CEMIP: variants seen among roughly 807,000 people sequenced by gnomAD.
The protein encoded by CEMIP is cell migration inducing hyaluronidase 1.
In CEMIP, 105 loss-of-function variants were observed where a neutral mutation model predicts 156.9. That is an observed-to-expected ratio of 0.67 (90% CI 0.57 to 0.79). The LOEUF is 0.79. Among genes scored for constraint, CEMIP ranks in the 30% least tolerant of loss-of-function variants. The pLI is 0.00. For missense variants in CEMIP, 1,457 were observed against 1,769.4 expected (o/e 0.82, Z 3.17); for synonymous variants, 676 against 668.4 (o/e 1.01, Z -0.17).
At chr15:80,905,593 G>A (rs999969283) in intron 12 of CEMIP, among the ~76,000 whole-genome samples, 20 of 152,272 alleles carry the variant, frequency 1.3e-4, no homozygotes, top group African/African-American at 3.9e-4. Flanking sequence ...GAGGGGTTAG[G>A]TGCAGACCAC....
intron 1 of CEMIP, among the ~76,000 whole-genome samples, chr15:80,788,599 C>T (rs1423080106): frequency 6.6e-6 from 1 of 152,142 alleles, no homozygotes; most frequent in Non-Finnish European, 1.5e-5. Flanking sequence ...GTAATTCACT[C>T]TAATGCTAGT....
At position 80,859,857 on chromosome 15, in the gene CEMIP, G is replaced by T. The variant is rs117216581; in HGVS notation, c.-175-13681G>T. On this transcript the variant is annotated intron_variant, in intron 1 of 29. Coordinates refer to ENST00000394685, the MANE Select transcript of CEMIP (RefSeq NM_001293298.2). The stretch of plus-strand genomic sequence containing the variant: ...CCCTTTCTGCTGTACCTCTAGAAGG[G>T]TTTTACCTGCATCAGAATCTTTCAG... Among the ~76,000 whole-genome samples, 1,003 of 152,292 alleles carry T rather than the reference G, an allele frequency of 6.6e-3. 4 individuals carry two copies. The highest frequency in any genetic ancestry group is 0.011 in the Admixed American group (172 of 15,308).
chr15:80,829,621 C>T (rs1897111530), intron 1 of CEMIP, among the ~76,000 whole-genome samples: 3 of 152,218 alleles, frequency 2.0e-5, no homozygotes, highest in Admixed American at 2.0e-4. Flanking sequence ...AGCTGGTCTT[C>T]ACCCTATTTC....
At chr15:80,853,011 T>A (rs1209143568) in intron 1 of CEMIP, among the ~76,000 whole-genome samples, 4 of 152,070 alleles carry the variant, frequency 2.6e-5, no homozygotes, top group Non-Finnish European at 5.9e-5. Flanking sequence ...ACCAGGTGAG[T>A]CAGGAGAATG....
intron 1 of CEMIP, among the ~76,000 whole-genome samples, chr15:80,784,646 C>T (rs888388446): frequency 5.9e-5 from 9 of 152,152 alleles, no homozygotes; most frequent in African/African-American, 2.2e-4. Flanking sequence ...GGGCAGGTTC[C>T]TTGACTTCTC....
intron 21 of CEMIP, among the ~76,000 whole-genome samples, chr15:80,929,426 G>C (rs138578154): frequency 6.6e-6 from 1 of 152,190 alleles, no homozygotes; most frequent in Non-Finnish European, 1.5e-5. Context: ...GCATTCCTGG[G>C]CTATGTTAAT....
At chr15:80,937,434 C>A (rs1410272528) in intron 24 of CEMIP, among the ~76,000 whole-genome samples, 1 of 152,202 alleles carries the variant, frequency 6.6e-6, no homozygotes, top group Non-Finnish European at 1.5e-5. Context: ...ATGAAATCGG[C>A]CCTACAATCA....
chr15:80,897,978 A>G (rs1383136392), intron 12 of CEMIP, among the ~76,000 whole-genome samples: 2 of 152,246 alleles, frequency 1.3e-5, no homozygotes, highest in Admixed American at 1.3e-4. Flanking sequence ...AATTTTCCAC[A>G]GGGGTTTTCA....
chr15:80,783,008 C>T (rs1895837580), intron 1 of CEMIP, among the ~76,000 whole-genome samples: 1 of 152,158 alleles, frequency 6.6e-6, no homozygotes. Flanking sequence ...CTTCATCAGT[C>T]CTGTGGCATT....
intron 1 of CEMIP, among the ~76,000 whole-genome samples, chr15:80,796,667 A>G (rs1408436319): frequency 6.6e-6 from 1 of 152,172 alleles, no homozygotes; most frequent in Non-Finnish European, 1.5e-5. Context: ...ACCATGAGAT[A>G]TTGCAGTTGC....
Position 80,878,794 on chromosome 15 carries a change from G to A in CEMIP, c.168G>A (p.Val56=). ...WNPGHDQDHH[V]HIGQGKTLLL... ...CTGGCCATGACCAAGACCACCATGT[G>A]CATATCGGCCAGGGCAAGACACTGC... Residue 56 remains valine, a synonymous_variant, in exon 4 of 30, where the codon GTG becomes GTA. Transcript: ENST00000394685. The A allele has an allele frequency of 1.2e-6, 2 of 1,614,170 alleles. No individual in the cohort carries two copies. The highest frequency in any genetic ancestry group is 1.7e-6 in the Non-Finnish European group (2 of 1,180,028).
intron 12 of CEMIP, among the ~76,000 whole-genome samples, chr15:80,903,703 C>A (rs1198852277): frequency 6.6e-6 from 1 of 152,164 alleles, no homozygotes; most frequent in Non-Finnish European, 1.5e-5. Context: ...ACATGCTCAA[C>A]CCTTTGGGGA....
At position 80,879,859 on chromosome 15, in the gene CEMIP, G is replaced by A. The variant is rs372958113; in HGVS notation, c.380+5G>A. On this transcript the variant is annotated splice_donor_5th_base_variant and intron_variant, in intron 5 of 29. Coordinates refer to ENST00000394685, the MANE Select transcript of CEMIP (RefSeq NM_001293298.2). ...CACCATCATTTTGTATGGAAGGTGC[G>A]TAGACCACTCCTACAGATCAAATGC... The A allele has an allele frequency of 1.8e-5, 29 of 1,613,858 alleles. No homozygotes were observed. Among genetic ancestry groups the A allele is most frequent in the South Asian group, 4.4e-5 (4 of 91,060 alleles).
Position 80,936,784 on chromosome 15 carries a change from C to T in CEMIP, c.3120C>T (p.Tyr1040=). The T allele has an allele frequency of 1.2e-6, 2 of 1,614,194 alleles. No individual in the cohort carries two copies. The highest frequency in any genetic ancestry group is 8.5e-7 in the Non-Finnish European group (1 of 1,180,028). The change falls in exon 24 of 30, where the codon TAC becomes TAT. Residue 1040 remains tyrosine, a synonymous_variant. Transcript: ENST00000394685. ...LEGALTRSTH[Y]QQYQPVVTLQ... ...GGGCGCTCACCAGGAGCACCCATTA[C>T]CAGCAATACCAACCGGTTGTCACCC...
At chr15:80,793,210 G>T (rs1443842941) in intron 1 of CEMIP, among the ~76,000 whole-genome samples, 1 of 152,154 alleles carries the variant, frequency 6.6e-6, no homozygotes, top group Non-Finnish European at 1.5e-5. Flanking sequence ...GCCTAGCTTG[G>T]CTGTGTAACC....
chr15:80,920,467 G>A (rs1243899406), intron 15 of CEMIP, among the ~76,000 whole-genome samples, 168 bp downstream of exon 15: 1 of 152,222 alleles, frequency 6.6e-6, no homozygotes, highest in Non-Finnish European at 1.5e-5. Flanking sequence ...CAAAGCAGGT[G>A]GGAGGGAGGG....
intron 16 of CEMIP, 119 bp downstream of exon 16, chr15:80,921,220 G>A: frequency 2.1e-6 from 2 of 945,072 alleles, no homozygotes; most frequent in South Asian, 2.8e-5. Flanking sequence ...TATCCATGCA[G>A]ACGGGCTTAG....
chr15:80,936,978 C>A, intron 24 of CEMIP, 93 bp downstream of exon 24: 8 of 1,209,544 alleles, frequency 6.6e-6, no homozygotes, highest in Non-Finnish European at 9.7e-6. Context: ...AAACCACAGG[C>A]TAGCCCATGT....
intron 25 of CEMIP, among the ~76,000 whole-genome samples, chr15:80,939,038 C>T (rs935271695): frequency 2.0e-5 from 3 of 152,086 alleles, no homozygotes; most frequent in Middle Eastern, 3.4e-3. Flanking sequence ...GATGGGAGGG[C>T]AATAAAAAAC....
Sources: allele counts gnomAD v4.1 joint callset (sites outside exome capture counted in the v4.1 genomes callset), GRCh38; gene constraint gnomAD v4.1.1; transcripts MANE v1.5; gene names NCBI Gene and HGNC (gene_info 2026-07-23, HGNC 2026-07-21).